ZNF618: variants seen among roughly 807,000 people sequenced by gnomAD.
ZNF618 encodes the protein zinc finger protein 618, also known as neural precursor cell expressed, developmentally down-regulated 10.
Under a neutral mutation model 103.0 loss-of-function variants are expected in ZNF618, and 34 were observed. The ratio of observed to expected loss-of-function variants is 0.33; its 90% CI spans 0.25 to 0.44. ZNF618 has a LOEUF of 0.44. Ranked by LOEUF, ZNF618 falls within the 20% of genes least tolerant of loss-of-function variation. The pLI, the probability that ZNF618 is intolerant of heterozygous loss-of-function variation, is 1.00. For missense variants in ZNF618, 1,059 were observed against 1,295.4 expected (o/e 0.82, Z 2.80); for synonymous variants, 551 against 542.2 (o/e 1.02, Z -0.23).
chr9:113,901,388 T>G (rs1453043283), intron 1 of ZNF618, among the ~76,000 whole-genome samples: 2 of 152,230 alleles, frequency 1.3e-5, no homozygotes, highest in East Asian at 3.8e-4. Flanking sequence ...GCCAGCCCGG[T>G]GCTTTGCCAG....
chr9:113,944,206 C>G (rs1834800097), intron 1 of ZNF618, among the ~76,000 whole-genome samples: 1 of 152,194 alleles, frequency 6.6e-6, no homozygotes, highest in African/African-American at 2.4e-5. Flanking sequence ...TTGATGTGGG[C>G]TTTTCTGCCA....
chr9:113,977,372 A>G (rs920144889), intron 2 of ZNF618, among the ~76,000 whole-genome samples: 1 of 152,224 alleles, frequency 6.6e-6, no homozygotes, highest in Non-Finnish European at 1.5e-5. Flanking sequence ...TAGCCTTGGC[A>G]TGAAGTAATG....
chr9:114,038,224 C>T (rs368436371), intron 13 of ZNF618, among the ~76,000 whole-genome samples: 11 of 152,200 alleles, frequency 7.2e-5, no homozygotes, highest in African/African-American at 1.7e-4. Flanking sequence ...ACTCTGCCTG[C>T]GCCCTGCCAG....
chr9:113,984,027 CT>C (rs972996251), intron 2 of ZNF618, among the ~76,000 whole-genome samples: 2 of 152,126 alleles, frequency 1.3e-5, no homozygotes, highest in African/African-American at 4.8e-5. Flanking sequence ...CTACTGGATG[CT>C]GGGTATAAGA....
At chr9:113,992,090 C>T in intron 3 of ZNF618, among the ~76,000 whole-genome samples, 1 of 152,174 alleles carries the variant, frequency 6.6e-6, no homozygotes, top group East Asian at 1.9e-4. Flanking sequence ...TTGGACTCCT[C>T]TCATCTCAAG....
intron 1 of ZNF618, among the ~76,000 whole-genome samples, chr9:113,906,643 A>C (rs1249727788): frequency 6.6e-6 from 1 of 152,224 alleles, no homozygotes; most frequent in Non-Finnish European, 1.5e-5. Context: ...GGAAACTGAG[A>C]GAGCTGGTGT....
chr9:114,001,149 G>T (rs1841160306), intron 4 of ZNF618, among the ~76,000 whole-genome samples: 1 of 152,194 alleles, frequency 6.6e-6, no homozygotes. Flanking sequence ...GCTCTTCTTG[G>T]CTTCCTACCA....
At chr9:113,961,395 A>G (rs1032313724) in intron 1 of ZNF618, among the ~76,000 whole-genome samples, 5 of 152,236 alleles carry the variant, frequency 3.3e-5, no homozygotes, top group African/African-American at 7.2e-5. Context: ...TATTTGGGCG[A>G]ATGAATAAGG....
chr9:113,985,760 C>T (rs1254052130), intron 2 of ZNF618, among the ~76,000 whole-genome samples: 1 of 152,208 alleles, frequency 6.6e-6, no homozygotes, highest in Non-Finnish European at 1.5e-5. Context: ...CCCGTCCCAC[C>T]TCGTACCACC....
chr9:113,938,824 C>T (rs1307230581), intron 1 of ZNF618, among the ~76,000 whole-genome samples: 1 of 152,034 alleles, frequency 6.6e-6, no homozygotes, highest in Non-Finnish European at 1.5e-5. Context: ...GCCACCTCAG[C>T]CTCCCGAAGT....
At chr9:114,002,601 T>TG in intron 5 of ZNF618, 23 bp from the exon 6 acceptor site, 1 of 1,559,032 alleles carries the variant, frequency 6.4e-7, no homozygotes, top group East Asian at 2.4e-5. Context: ...CCCACCCCCA[T>TG]CCCTCTCTCT....
chr9:113,884,509 T>C (rs1338613337), intron 1 of ZNF618, among the ~76,000 whole-genome samples: 1 of 152,216 alleles, frequency 6.6e-6, no homozygotes, highest in African/African-American at 2.4e-5. Flanking sequence ...TTGTGCATCA[T>C]CTAGTCCAAG....
chr9:113,930,995 G>A (rs1833531684), intron 1 of ZNF618, among the ~76,000 whole-genome samples: 1 of 152,188 alleles, frequency 6.6e-6, no homozygotes, highest in Non-Finnish European at 1.5e-5. Context: ...GAATACTGGG[G>A]GAAATACTGA....
intron 1 of ZNF618, among the ~76,000 whole-genome samples, chr9:113,914,226 C>T (rs1564163840): frequency 6.6e-6 from 1 of 152,096 alleles, no homozygotes; most frequent in African/African-American, 2.4e-5. Context: ...ATAAATTGGC[C>T]CTTAGCAAGG....
chr9:113,946,590 C>A (rs1156833262), intron 1 of ZNF618, among the ~76,000 whole-genome samples: 1 of 152,114 alleles, frequency 6.6e-6, no homozygotes, highest in Non-Finnish European at 1.5e-5. Context: ...CGGCCCTGAC[C>A]CAGCGTGTAA....
At chr9:113,962,717 C>A (rs1008315141) in intron 1 of ZNF618, among the ~76,000 whole-genome samples, 3 of 152,190 alleles carry the variant, frequency 2.0e-5, no homozygotes, top group African/African-American at 7.2e-5. Context: ...ATGATGCCTA[C>A]CCAACTACCC....
chr9:113,904,334 G>T (rs1457324833), intron 1 of ZNF618, among the ~76,000 whole-genome samples: 3 of 151,182 alleles, frequency 2.0e-5, no homozygotes, highest in Non-Finnish European at 4.4e-5. Context: ...TACCTTCCTG[G>T]ACATATGGAG....
At chr9:113,894,439 A>G (rs966543721) in intron 1 of ZNF618, among the ~76,000 whole-genome samples, 1 of 152,204 alleles carries the variant, frequency 6.6e-6, no homozygotes, top group Non-Finnish European at 1.5e-5. Flanking sequence ...CTGATTGTCA[A>G]GGGTGGTGGA....
intron 2 of ZNF618, 44 bp downstream of exon 2, chr9:113,969,204 A>G (rs1837720100): frequency 6.2e-7 from 1 of 1,612,490 alleles, no homozygotes; most frequent in East Asian, 2.2e-5. Context: ...CCATCGACTC[A>G]GGTCTTCATG....
Sources: gnomAD v4.1 joint callset for allele counts (sites outside exome capture counted in the v4.1 genomes callset) on GRCh38, gnomAD v4.1.1 for gene constraint, MANE v1.5 for transcripts, NCBI Gene and HGNC (gene_info 2026-07-23, HGNC 2026-07-21) for gene names.